GMDS: variants seen among roughly 807,000 people sequenced by gnomAD.
GMDS encodes the protein GDP-mannose 4,6-dehydratase.
Under a neutral mutation model 49.9 loss-of-function variants are expected in GMDS, and 20 were observed. The ratio of observed to expected loss-of-function variants is 0.40; its 90% CI spans 0.28 to 0.58. GMDS has a LOEUF of 0.58. GMDS is among the 20% of genes least tolerant of loss of function. The pLI is 0.42. For missense variants in GMDS, 362 were observed against 481.4 expected (o/e 0.75, Z 2.32); for synonymous variants, 177 against 178.6 (o/e 0.99, Z 0.07).
chr6:1,893,256 C>T (rs145138786), intron 7 of GMDS, among the ~76,000 whole-genome samples: 6 of 146,918 alleles, frequency 4.1e-5, no homozygotes, highest in Admixed American at 2.1e-4. Flanking sequence ...TGCAGTGGCG[C>T]GATGTCAGCT....
At chr6:1,912,855 C>G (rs1761139309) in intron 7 of GMDS, among the ~76,000 whole-genome samples, 1 of 152,152 alleles carries the variant, frequency 6.6e-6, no homozygotes, top group Non-Finnish European at 1.5e-5. Flanking sequence ...CATGCACACA[C>G]CCCTCTGAAA....
intron 1 of GMDS, among the ~76,000 whole-genome samples, chr6:2,205,764 A>G (rs6931860): frequency 0.04 from 6,152 of 151,948 alleles, 441 homozygotes; most frequent in African/African-American, 0.14. Context: ...CCAAGCCTTC[A>G]GGGTGTGTGT....
intron 1 of GMDS, among the ~76,000 whole-genome samples, chr6:2,133,177 C>G (rs1217209687): frequency 5.3e-5 from 8 of 151,978 alleles, no homozygotes; most frequent in Non-Finnish European, 1.0e-4. Context: ...GTGTGCAAGG[C>G]CATGCTTAAT....
chr6:1,747,047 C>G (rs1435118979), intron 7 of GMDS, among the ~76,000 whole-genome samples: 3 of 152,150 alleles, frequency 2.0e-5, no homozygotes, highest in Admixed American at 6.6e-5. Flanking sequence ...TCCTCTCTCA[C>G]AGTCTCCCAT....
chr6:1,742,145 C>T (rs943305124), intron 8 of GMDS, among the ~76,000 whole-genome samples: 6 of 152,008 alleles, frequency 3.9e-5, no homozygotes, highest in East Asian at 1.9e-4. Flanking sequence ...TGGTCTTGAA[C>T]TCCTGACCTC....
At chr6:1,949,881 T>C (rs1754803495) in intron 6 of GMDS, among the ~76,000 whole-genome samples, 2 of 152,216 alleles carry the variant, frequency 1.3e-5, no homozygotes, top group South Asian at 4.1e-4. Flanking sequence ...CACAATGGGC[T>C]GCTAAAATTT....
chr6:2,146,648 A>G (rs1776574790), intron 1 of GMDS, among the ~76,000 whole-genome samples: 1 of 152,142 alleles, frequency 6.6e-6, no homozygotes, highest in Admixed American at 6.5e-5. Flanking sequence ...TGTACTCTGT[A>G]TTCTTGCACA....
chr6:1,772,201 A>G (rs1011693410), intron 7 of GMDS, among the ~76,000 whole-genome samples: 1 of 152,240 alleles, frequency 6.6e-6, no homozygotes, highest in African/African-American at 2.4e-5. Context: ...ATTGAAGACC[A>G]TAATCAAAAT....
chr6:1,658,336 G>A (rs1023308455), intron 9 of GMDS, among the ~76,000 whole-genome samples: 3 of 152,228 alleles, frequency 2.0e-5, no homozygotes, highest in Non-Finnish European at 2.9e-5. Flanking sequence ...TTGCGAAGTC[G>A]CATTTTCCCG....
At chr6:2,066,706 A>G (rs1028336718) in intron 4 of GMDS, among the ~76,000 whole-genome samples, 1 of 152,240 alleles carries the variant, frequency 6.6e-6, no homozygotes, top group Non-Finnish European at 1.5e-5. Context: ...TTCAACAAGA[A>G]GAGCTAACTA....
chr6:2,231,385 C>G (rs1371550212), intron 1 of GMDS, among the ~76,000 whole-genome samples: 1 of 151,978 alleles, frequency 6.6e-6, no homozygotes, highest in African/African-American at 2.4e-5. Context: ...GTGGCAAAAC[C>G]CCATCTCTAC....
chr6:1,960,421 A>G (rs1199344297), intron 5 of GMDS, among the ~76,000 whole-genome samples: 1 of 152,194 alleles, frequency 6.6e-6, no homozygotes, highest in African/African-American at 2.4e-5. Context: ...GGAAAATAAA[A>G]AAAAACATGA....
intron 1 of GMDS, among the ~76,000 whole-genome samples, chr6:2,166,631 T>C (rs148444931): frequency 1.3e-5 from 2 of 152,272 alleles, no homozygotes; most frequent in East Asian, 3.9e-4. Flanking sequence ...AGTAAGAAGA[T>C]TTATGTGAAG....
At chr6:1,922,633 C>A (rs531171045) in intron 7 of GMDS, among the ~76,000 whole-genome samples, 4 of 152,242 alleles carry the variant, frequency 2.6e-5, no homozygotes, top group Non-Finnish European at 4.4e-5. Context: ...CCATCCTCTG[C>A]CTATAAAGAC....
chr6:2,001,404 T>C (rs1386569077), intron 4 of GMDS, among the ~76,000 whole-genome samples: 4 of 152,196 alleles, frequency 2.6e-5, no homozygotes, highest in African/African-American at 9.6e-5. Context: ...ATCAGATACA[T>C]GATTTGCAAA....
chr6:1,956,699 A>T (rs1460869338), intron 6 of GMDS, among the ~76,000 whole-genome samples: 1 of 152,176 alleles, frequency 6.6e-6, no homozygotes, highest in African/African-American at 2.4e-5. Flanking sequence ...TAAGAAAATA[A>T]ACTCACTTAA....
intron 4 of GMDS, among the ~76,000 whole-genome samples, chr6:2,068,112 T>C (rs1243683393): frequency 6.7e-6 from 1 of 148,296 alleles, no homozygotes; most frequent in Non-Finnish European, 1.5e-5. Flanking sequence ...TGGTTCAATA[T>C]ACACAAATCA....
intron 7 of GMDS, among the ~76,000 whole-genome samples, chr6:1,853,517 CAAAAAAAAAAAA>C (rs34773610): frequency 2.8e-5 from 2 of 70,390 alleles, no homozygotes; most frequent in East Asian, 5.0e-4. Flanking sequence ...GACTCCGTCT[CAAAAAAAAAAAA>C]AAAAAAAAAA....
intron 6 of GMDS, among the ~76,000 whole-genome samples, chr6:1,945,957 T>C (rs533144776): frequency 3.3e-4 from 50 of 151,886 alleles, no homozygotes; most frequent in African/African-American, 1.2e-3. Flanking sequence ...CATGAAACAG[T>C]TTTTTTTAAA....
Sources: gnomAD v4.1 joint callset for allele counts (sites outside exome capture counted in the v4.1 genomes callset) on GRCh38, gnomAD v4.1.1 for gene constraint, MANE v1.5 for transcripts, NCBI Gene and HGNC (gene_info 2026-07-23, HGNC 2026-07-21) for gene names.